Variants in UST observed in about 807,000 individuals in gnomAD.
UST encodes uronyl 2-sulfotransferase, also known as chondroitin sulfate 2-O-sulfotransferase.
Under a neutral mutation model 45.6 loss-of-function variants are expected in UST, and 21 were observed. That is an observed-to-expected ratio of 0.46 (90% CI 0.33 to 0.66). The LOEUF is 0.66. UST is among the 30% of genes least tolerant of loss of function. The pLI is 0.02. For missense variants in UST, 463 were observed against 512.4 expected, an observed-to-expected ratio of 0.90 and a Z score of 0.93; for synonymous variants, 215 against 200.6, an observed-to-expected ratio of 1.07 and a Z score of -0.61.
At chr6:148,947,399 C>A (rs1447348564) in intron 3 of UST, among the ~76,000 whole-genome samples, 1 of 152,156 alleles carries the variant, frequency 6.6e-6, no homozygotes, top group African/African-American at 2.4e-5. Flanking sequence ...GGTCCCACTG[C>A]AAAATACAGA....
At chr6:148,781,422 A>T (rs1401046772) in intron 1 of UST, among the ~76,000 whole-genome samples, 1 of 152,172 alleles carries the variant, frequency 6.6e-6, no homozygotes, top group Non-Finnish European at 1.5e-5. Flanking sequence ...GAAGGCTGAG[A>T]GAGGTGAGGA....
At chr6:149,069,991 G>T (rs760551986) in intron 7 of UST, among the ~76,000 whole-genome samples, 9 of 152,250 alleles carry the variant, frequency 5.9e-5, no homozygotes, top group Non-Finnish European at 1.2e-4. Context: ...CTGTGAAATA[G>T]AACAGATTTC....
At chr6:148,998,128 G>C (rs112489527) in intron 5 of UST, among the ~76,000 whole-genome samples, 9 of 152,204 alleles carry the variant, frequency 5.9e-5, no homozygotes, top group Non-Finnish European at 1.0e-4. Context: ...GACAGTTTCT[G>C]TGGCTTTTCA....
Position 149,074,759 on chromosome 6 carries a change from G to A in UST, c.*643G>A, listed in dbSNP as rs560812275. On this transcript the variant is annotated 3_prime_UTR_variant, in exon 8 of 8. Transcript: ENST00000367463. The stretch of plus-strand genomic sequence containing the variant: ...CAATTAATTTTTTTTTTTTAAAGGA[G>A]GAGGATCTCCATGGGTAAGTGGTTT... 2.2e-4 allele frequency: 34 copies of A among 152,284 alleles called. No individual in the cohort carries two copies. The highest frequency in any genetic ancestry group is 2.1e-3 in the Admixed American group (32 of 15,268). 9.4% of individuals were successfully genotyped at this position (152,284 alleles called of 1,614,324 possible).
chr6:148,872,203 T>A (rs1003195616), intron 1 of UST, among the ~76,000 whole-genome samples: 2 of 152,204 alleles, frequency 1.3e-5, no homozygotes, highest in Admixed American at 1.3e-4. Flanking sequence ...TATATGTTTG[T>A]TAAGTAAAGC....
At chr6:148,918,422 C>T (rs1395930318) in intron 2 of UST, among the ~76,000 whole-genome samples, 1 of 152,166 alleles carries the variant, frequency 6.6e-6, no homozygotes, top group Admixed American at 6.5e-5. Context: ...TAATATAGCA[C>T]CTCATTCTTC....
intron 1 of UST, among the ~76,000 whole-genome samples, chr6:148,875,750 G>T (rs1562284982): frequency 6.6e-6 from 1 of 152,234 alleles, no homozygotes; most frequent in Admixed American, 6.5e-5. Flanking sequence ...TTTGCAGTCA[G>T]CCGAGATCGC....
chr6:149,071,123 T>G (rs1413585080), intron 7 of UST, among the ~76,000 whole-genome samples: 1 of 152,218 alleles, frequency 6.6e-6, no homozygotes, highest in Non-Finnish European at 1.5e-5. Context: ...CACCCTGTTG[T>G]GCTATCAAAT....
chr6:148,852,318 C>T (rs1778122620), intron 1 of UST, among the ~76,000 whole-genome samples: 1 of 152,144 alleles, frequency 6.6e-6, no homozygotes, highest in South Asian at 2.1e-4. Context: ...ACATATGTTG[C>T]GTTTGGCTAA....
chr6:148,782,427 TTGAACAGA>T (rs1426780493), intron 1 of UST, among the ~76,000 whole-genome samples: 2 of 151,696 alleles, frequency 1.3e-5, no homozygotes, highest in Non-Finnish European at 2.9e-5. Context: ...ATGATCAAAC[TTGAACAGA>T]TGAACAGATG....
chr6:148,954,617 C>G (rs531580093), intron 4 of UST, among the ~76,000 whole-genome samples: 1 of 152,094 alleles, frequency 6.6e-6, no homozygotes, highest in Non-Finnish European at 1.5e-5. Flanking sequence ...CGCAGTAGGC[C>G]GTGCCATCGA....
chr6:148,930,817 T>C (rs1779907788), intron 2 of UST, among the ~76,000 whole-genome samples: 1 of 152,234 alleles, frequency 6.6e-6, no homozygotes, highest in African/African-American at 2.4e-5. Context: ...TATATAAGCC[T>C]AAAACTCAGC....
intron 5 of UST, among the ~76,000 whole-genome samples, chr6:149,007,436 C>T (rs34829075): frequency 0.15 from 23,104 of 150,562 alleles, 2,319 homozygotes; most frequent in Non-Finnish European, 0.23. Flanking sequence ...TACAGGCGCC[C>T]GCTACCACAC....
intron 7 of UST, among the ~76,000 whole-genome samples, chr6:149,039,700 C>CA (rs1342931317): frequency 6.6e-6 from 1 of 151,656 alleles, no homozygotes; most frequent in Non-Finnish European, 1.5e-5. Flanking sequence ...TGTGATCAAA[C>CA]AAAAAAAAGG....
Position 148,942,192 on chromosome 6 carries a change from A to G in UST, c.447+758A>G, listed in dbSNP as rs118138796. Among the ~76,000 whole-genome samples, 15 of 152,296 alleles carry G rather than the reference A, an allele frequency of 9.8e-5. No individual in the cohort carries two copies. The East Asian group carries it at 2.9e-3, about 29-fold the overall frequency. On this transcript the variant is annotated intron_variant, in intron 3 of 7. Transcript: ENST00000367463. Reference sequence around the variant, plus strand: ...CTCAGAAACTGGCTTCTGTCCCCTTACATACATAGGATGAGCAGCCACCCA... The same window carrying G: ...CTCAGAAACTGGCTTCTGTCCCCTTGCATACATAGGATGAGCAGCCACCCA...
At position 148,747,510 on chromosome 6, in the gene UST, G is replaced by T; in HGVS notation, c.80G>T (p.Gly27Val). The change falls in exon 1 of 8, where the codon GGC becomes GTC. Residue 27 changes from glycine to valine, a missense_variant. Physicochemically the swap from Gly to Val is moderately radical, Grantham distance 109. This residue lies in a region of UST where 176 missense variants were observed against 138.3 expected (regional missense o/e 1.27). Transcript: ENST00000367463. Reference protein sequence around the residue: ...HGAPMGGAPPGLGSWKRRVPL... With the variant: ...HGAPMGGAPPVLGSWKRRVPL... The stretch of plus-strand genomic sequence containing the variant: ...GCCCCTATGGGGGGCGCCCCTCCGG[G>T]CCTGGGCAGCTGGAAGCGTCGGGTG... The T allele has an allele frequency of 1.3e-6, 2 of 1,537,200 alleles. No homozygotes were observed. Among genetic ancestry groups the T allele is most frequent in the South Asian group, 1.2e-5 (1 of 81,854 alleles).
intron 7 of UST, among the ~76,000 whole-genome samples, chr6:149,043,586 G>A (rs574773743): frequency 6.6e-6 from 1 of 152,378 alleles, no homozygotes; most frequent in Non-Finnish European, 1.5e-5. Context: ...GGGAGAGGAA[G>A]CACTCTGGTG....
intron 7 of UST, among the ~76,000 whole-genome samples, chr6:149,028,598 T>G (rs1221642217): frequency 6.6e-6 from 1 of 152,234 alleles, no homozygotes; most frequent in Non-Finnish European, 1.5e-5. Flanking sequence ...TATTACTGAC[T>G]TGGGCAGAGA....
At chr6:148,963,255 G>A (rs1212404421) in intron 4 of UST, among the ~76,000 whole-genome samples, 1 of 152,166 alleles carries the variant, frequency 6.6e-6, no homozygotes, top group Admixed American at 6.5e-5. Flanking sequence ...TTTTCTCTTA[G>A]TTCTTTCTGA....
Sources: allele counts gnomAD v4.1 joint callset (sites outside exome capture counted in the v4.1 genomes callset), GRCh38; gene constraint gnomAD v4.1.1; regional missense constraint gnomAD v4.1.1; transcripts MANE v1.5; gene names NCBI Gene and HGNC (gene_info 2026-07-23, HGNC 2026-07-21).